Variants in DCC observed in about 807,000 individuals in gnomAD.
DCC encodes the protein netrin receptor DCC.
In DCC, 58 loss-of-function variants were observed where a neutral mutation model predicts 172.5. The ratio of observed to expected loss-of-function variants is 0.34; its 90% CI spans 0.27 to 0.42. The LOEUF is 0.42. Among genes scored for constraint, DCC ranks in the 10% least tolerant of loss-of-function variants. DCC has a pLI of 1.00. For synonymous variants in DCC, 709 were observed against 644.5 expected, an observed-to-expected ratio of 1.10 and a Z score of -1.52; for missense variants, 1,740 against 1,791.0, an observed-to-expected ratio of 0.97 and a Z score of 0.51.
chr18:52,416,152 G>A (rs879067820), intron 1 of DCC, among the ~76,000 whole-genome samples: 2 of 152,062 alleles, frequency 1.3e-5, no homozygotes, highest in Admixed American at 6.5e-5. Flanking sequence ...TTCAGGAGCA[G>A]GTTGTTCAGT....
At chr18:52,725,641 C>T (rs550778535) in intron 1 of DCC, among the ~76,000 whole-genome samples, 5 of 152,088 alleles carry the variant, frequency 3.3e-5, no homozygotes, top group South Asian at 4.2e-4. Context: ...AGGAGGTATG[C>T]GACTCATGGG....
chr18:53,461,450 AT>A (rs1008670334), intron 24 of DCC, among the ~76,000 whole-genome samples: 11 of 151,978 alleles, frequency 7.2e-5, no homozygotes, highest in African/African-American at 2.7e-4. Context: ...CCTTGAATTG[AT>A]TTTTGTATAA....
intron 1 of DCC, among the ~76,000 whole-genome samples, chr18:52,503,302 G>A (rs2031102231): frequency 6.6e-6 from 1 of 152,122 alleles, no homozygotes; most frequent in African/African-American, 2.4e-5. Context: ...CACTGCATGT[G>A]TTTTATGCAA....
intron 12 of DCC, among the ~76,000 whole-genome samples, chr18:53,260,036 C>T (rs1010195677): frequency 1.6e-4 from 24 of 152,128 alleles, no homozygotes; most frequent in Non-Finnish European, 3.2e-4. Flanking sequence ...TTTCTCGTGC[C>T]ATGGTTTTCA....
intron 1 of DCC, among the ~76,000 whole-genome samples, chr18:52,663,300 C>G (rs2035398705): frequency 2.0e-5 from 3 of 152,074 alleles, no homozygotes; most frequent in African/African-American, 7.2e-5. Context: ...AAGAGGAAGA[C>G]TCAGAACCCA....
intron 27 of DCC, among the ~76,000 whole-genome samples, chr18:53,512,674 C>G (rs1221453930): frequency 6.6e-6 from 1 of 151,904 alleles, no homozygotes; most frequent in African/African-American, 2.4e-5. Context: ...GCAGAAGCCT[C>G]AGGAGCCGAT....
At chr18:52,814,684 T>C (rs1171946039) in intron 2 of DCC, among the ~76,000 whole-genome samples, 1 of 152,232 alleles carries the variant, frequency 6.6e-6, no homozygotes, top group Non-Finnish European at 1.5e-5. Flanking sequence ...TAATTGGAAA[T>C]ATAAACTATT....
At chr18:52,810,484 C>T (rs9954488) in intron 2 of DCC, among the ~76,000 whole-genome samples, 6,391 of 152,204 alleles carry the variant, frequency 0.042, 229 homozygotes, top group South Asian at 0.17. Context: ...GTATATTGAA[C>T]GGTGAGGAGG....
At chr18:52,502,736 A>C (rs139797754) in intron 1 of DCC, among the ~76,000 whole-genome samples, 1 of 152,306 alleles carries the variant, frequency 6.6e-6, no homozygotes, top group Admixed American at 6.5e-5. Flanking sequence ...CCTACACAGC[A>C]CAAGTCAGTA....
intron 3 of DCC, among the ~76,000 whole-genome samples, chr18:52,921,524 C>T (rs534131783): frequency 2.0e-5 from 3 of 151,948 alleles, no homozygotes; most frequent in Non-Finnish European, 4.4e-5. Flanking sequence ...CATGGTGAAA[C>T]TCCATCTCTA....
chr18:52,657,926 G>A (rs763075652), intron 1 of DCC, among the ~76,000 whole-genome samples: 9 of 152,106 alleles, frequency 5.9e-5, no homozygotes, highest in East Asian at 5.8e-4. Flanking sequence ...GATGAACCGC[G>A]TTAATCACCA....
At chr18:52,929,376 T>C (rs1433125164) in intron 5 of DCC, among the ~76,000 whole-genome samples, 1 of 152,064 alleles carries the variant, frequency 6.6e-6, no homozygotes, top group African/African-American at 2.4e-5. Context: ...CTGAAACAGC[T>C]ATAAAAAAAA....
Position 52,816,994 on chromosome 18 carries a change from T to C in DCC, c.412+64620T>C, listed in dbSNP as rs578206852. 11 of 152,314 alleles carry C rather than the reference T, an allele frequency of 7.2e-5. No homozygotes were observed. In the East Asian group the frequency reaches 1.5e-3, roughly 21 times the overall value. The allele number at this position is 152,314 out of a possible 1,614,324, so 9.4% of individuals were successfully genotyped here. On this transcript the variant is annotated intron_variant, in intron 2 of 28. Coordinates refer to ENST00000442544, the MANE Select transcript of DCC (RefSeq NM_005215.4). ...ATCCTGATTGTCCTTCCCTGAATTA[T>C]TTAAGTGTAGTTTAGCTACACTTAA...
chr18:53,098,288 A>G (rs1568303374), intron 7 of DCC, among the ~76,000 whole-genome samples: 1 of 152,158 alleles, frequency 6.6e-6, no homozygotes, highest in East Asian at 1.9e-4. Flanking sequence ...AAGAATTCTT[A>G]TGTTCTCTTT....
chr18:52,410,408 G>A (rs1172187799), intron 1 of DCC, among the ~76,000 whole-genome samples: 1 of 152,080 alleles, frequency 6.6e-6, no homozygotes, highest in Non-Finnish European at 1.5e-5. Context: ...TTCCAGCTTG[G>A]GTTATAGAGA....
chr18:52,880,218 C>T (rs962345883), intron 2 of DCC, among the ~76,000 whole-genome samples: 1 of 151,974 alleles, frequency 6.6e-6, no homozygotes, highest in African/African-American at 2.4e-5. Flanking sequence ...CTCACTGCAA[C>T]TTCTGCCTCC....
intron 21 of DCC, among the ~76,000 whole-genome samples, chr18:53,418,573 TG>T (rs1346691867): frequency 6.6e-6 from 1 of 151,974 alleles, no homozygotes. Flanking sequence ...GAGAAAAAAA[TG>T]TGGCATCTGG....
chr18:52,964,225 T>A (rs1017881515), intron 5 of DCC, among the ~76,000 whole-genome samples: 2 of 152,156 alleles, frequency 1.3e-5, no homozygotes, highest in African/African-American at 2.4e-5. Context: ...CTGTTATGAT[T>A]GTAATTTAAT....
chr18:52,482,738 C>A (rs2030020224), intron 1 of DCC, among the ~76,000 whole-genome samples: 1 of 152,080 alleles, frequency 6.6e-6, no homozygotes, highest in African/African-American at 2.4e-5. Context: ...GATTCTCAAT[C>A]CAAAACAGCC....
Sources: allele counts gnomAD v4.1 joint callset (sites outside exome capture counted in the v4.1 genomes callset), GRCh38; gene constraint gnomAD v4.1.1; transcripts MANE v1.5; gene names NCBI Gene and HGNC (gene_info 2026-07-23, HGNC 2026-07-21).